SORCS1: variants seen among roughly 807,000 people sequenced by gnomAD.
SORCS1 encodes sortilin related VPS10 domain containing receptor 1.
Under a neutral mutation model 146.1 loss-of-function variants are expected in SORCS1, and 60 were observed. That is an observed-to-expected ratio of 0.41 (90% confidence interval 0.33 to 0.51). SORCS1 has a LOEUF of 0.51. Among genes scored for constraint, SORCS1 ranks in the 20% least tolerant of loss-of-function variants. The pLI is 0.21. For missense variants in SORCS1, 1,352 were observed against 1,487.6 expected (o/e 0.91, Z 1.50); for synonymous variants, 637 against 584.0 (o/e 1.09, Z -1.31).
chr10:106,999,080 G>A (rs958338759), intron 1 of SORCS1, among the ~76,000 whole-genome samples: 5 of 152,070 alleles, frequency 3.3e-5, no homozygotes, highest in Non-Finnish European at 7.3e-5. Flanking sequence ...ATGAAGACAG[G>A]TCCTAAAATG....
At chr10:106,806,382 AT>A (rs1947173885) in intron 3 of SORCS1, among the ~76,000 whole-genome samples, 1 of 133,964 alleles carries the variant, frequency 7.5e-6, no homozygotes, top group African/African-American at 2.9e-5. Flanking sequence ...ATAAAATAAA[AT>A]AAAAATAAAA....
intron 1 of SORCS1, among the ~76,000 whole-genome samples, chr10:107,139,627 A>AG (rs1243620581): frequency 6.6e-6 from 1 of 152,230 alleles, no homozygotes; most frequent in African/African-American, 2.4e-5. Context: ...AGATTGGTGA[A>AG]GCCCAAATAC....
At chr10:106,987,550 A>G (rs1238017829) in intron 1 of SORCS1, among the ~76,000 whole-genome samples, 1 of 152,202 alleles carries the variant, frequency 6.6e-6, no homozygotes, top group Non-Finnish European at 1.5e-5. Context: ...TTCTTGGCGC[A>G]TAGCCACCCA....
chr10:107,086,345 A>T (rs899098288), intron 1 of SORCS1, among the ~76,000 whole-genome samples: 2 of 152,222 alleles, frequency 1.3e-5, no homozygotes, highest in Non-Finnish European at 1.5e-5. Flanking sequence ...TTGGGGGCGG[A>T]TACCTAACCT....
At chr10:107,162,898 C>G (rs1969813795) in intron 1 of SORCS1, among the ~76,000 whole-genome samples, 1 of 152,076 alleles carries the variant, frequency 6.6e-6, no homozygotes. Flanking sequence ...AATTTTTTTC[C>G]CCCATTTTAC....
Position 106,675,032 on chromosome 10 carries a change from C to T in SORCS1, c.1940+17G>A, listed in dbSNP as rs759165510. 3 of 1,590,768 alleles carry T rather than the reference C, an allele frequency of 1.9e-6. No homozygotes were observed. In the Admixed American group the frequency reaches 5.0e-5, roughly 27 times the overall value. On this transcript the variant is annotated intron_variant, in intron 14 of 25. Coordinates refer to ENST00000263054, the MANE Select transcript of SORCS1 (RefSeq NM_052918.5). Reference sequence around the variant, plus strand: ...CTTTTCTATGAAGGCTGGACCACATCATACTTTTCAACTTACGTCATGATG... The same window carrying T: ...CTTTTCTATGAAGGCTGGACCACATTATACTTTTCAACTTACGTCATGATG...
At chr10:106,698,339 G>T (rs1045198956) in intron 9 of SORCS1, among the ~76,000 whole-genome samples, 5 of 152,190 alleles carry the variant, frequency 3.3e-5, no homozygotes, top group African/African-American at 1.2e-4. Context: ...GTGTCATTAT[G>T]ACTGTACATA....
chr10:107,127,768 G>C (rs185650643), intron 1 of SORCS1, among the ~76,000 whole-genome samples: 1 of 152,174 alleles, frequency 6.6e-6, no homozygotes, highest in African/African-American at 2.4e-5. Context: ...TCTTCCACCT[G>C]GTAGGTAGGG....
intron 23 of SORCS1, among the ~76,000 whole-genome samples, chr10:106,606,724 C>G (rs1158748906): frequency 6.6e-6 from 1 of 152,168 alleles, no homozygotes; most frequent in Non-Finnish European, 1.5e-5. Context: ...TCCCCACTTG[C>G]CATGGGAAGG....
chr10:106,777,611 C>T (rs1377125685), intron 3 of SORCS1, among the ~76,000 whole-genome samples: 3 of 152,222 alleles, frequency 2.0e-5, no homozygotes, highest in Non-Finnish European at 2.9e-5. Context: ...TAAAAATTCA[C>T]AGCTTCAGAC....
In SORCS1 at chr10:106,583,734, G is replaced by A. The variant is rs183297767; in HGVS notation, c.3266-4260C>T. ...CATGTTGGCCAGGCTGGTCTCGAAC[G>A]CTAACCTTGAGTGATCCACCCGCCT... On this transcript the variant is annotated intron_variant, in intron 24 of 25. Transcript: ENST00000263054. Among the ~76,000 whole-genome samples the A allele has an allele frequency of 6.2e-4, 94 of 151,758 alleles. 1 individual carries two copies. Among genetic ancestry groups the A allele is most frequent in the African/African-American group, 2.2e-3 (90 of 41,404 alleles).
chr10:106,975,187 G>C (rs1172835508), intron 1 of SORCS1, among the ~76,000 whole-genome samples: 1 of 152,146 alleles, frequency 6.6e-6, no homozygotes, highest in Non-Finnish European at 1.5e-5. Flanking sequence ...TCAGAGTTTA[G>C]AGATCCAAAA....
chr10:106,887,303 G>A (rs1359494048), intron 2 of SORCS1, among the ~76,000 whole-genome samples: 1 of 152,098 alleles, frequency 6.6e-6, no homozygotes, highest in Non-Finnish European at 1.5e-5. Context: ...ATCACTATTT[G>A]AACTTAGCAA....
At position 106,757,566 on chromosome 10, in the gene SORCS1, G is replaced by A. The variant is rs182034453; in HGVS notation, c.959+4022C>T. Among the ~76,000 whole-genome samples, 114 of 152,278 alleles carry A rather than the reference G, an allele frequency of 7.5e-4. 1 individual carries two copies. The highest frequency in any genetic ancestry group is 2.6e-3 in the African/African-American group (106 of 41,562). On this transcript the variant is annotated intron_variant, in intron 5 of 25. Coordinates refer to ENST00000263054, the MANE Select transcript of SORCS1 (RefSeq NM_052918.5). ...AATACAGACCATGTGGGCAGAGACC[G>A]AGATTTTCATCAACAGTCATGGTAC... is the stretch of plus-strand genomic sequence containing the variant.
intron 1 of SORCS1, among the ~76,000 whole-genome samples, chr10:107,011,293 T>C (rs1301502647): frequency 1.3e-5 from 2 of 152,196 alleles, no homozygotes; most frequent in African/African-American, 4.8e-5. Flanking sequence ...TTTTCACTTC[T>C]TATGCCAATG....
chr10:106,693,554 C>T (rs775525001), intron 9 of SORCS1, among the ~76,000 whole-genome samples: 13 of 152,288 alleles, frequency 8.5e-5, no homozygotes, highest in South Asian at 2.1e-4. Flanking sequence ...GCATCTACTA[C>T]GTATCATATG....
chr10:107,148,586 G>C (rs1007273615), intron 1 of SORCS1, among the ~76,000 whole-genome samples: 1 of 152,176 alleles, frequency 6.6e-6, no homozygotes, highest in Non-Finnish European at 1.5e-5. Context: ...AATCCTACCT[G>C]CAACAAAAGA....
chr10:106,734,894 G>T (rs1346575080), intron 5 of SORCS1, among the ~76,000 whole-genome samples: 1 of 152,038 alleles, frequency 6.6e-6, no homozygotes, highest in East Asian at 1.9e-4. Context: ...TCTTGACCAG[G>T]CGTGGTGGCT....
intron 2 of SORCS1, among the ~76,000 whole-genome samples, chr10:106,945,098 G>A (rs1954264115): frequency 1.3e-5 from 2 of 151,736 alleles, no homozygotes; most frequent in Non-Finnish European, 2.9e-5. Context: ...ATGTTGGCCA[G>A]GCTGGTCTTG....
Sources: allele counts gnomAD v4.1 joint callset (sites outside exome capture counted in the v4.1 genomes callset), GRCh38; gene constraint gnomAD v4.1.1; transcripts MANE v1.5; gene names NCBI Gene and HGNC (gene_info 2026-07-23, HGNC 2026-07-21).